The following CCM2 variants were observed in gnomAD, a reference collection of about 807,000 sequenced individuals.
CCM2 encodes the protein cerebral cavernous malformations 2 protein.
A neutral mutation model predicts 44.9 loss-of-function variants in CCM2; 25 were observed. That is an observed-to-expected ratio of 0.56 (90% confidence interval 0.41 to 0.78). The LOEUF (loss-of-function observed/expected upper bound fraction) is 0.78, where lower values mean the gene tolerates loss of function less well. Among genes scored for constraint, CCM2 ranks in the 30% least tolerant of loss-of-function variants. CCM2 has a pLI of 0.00. For missense variants in CCM2, 481 were observed against 580.6 expected (o/e 0.83, Z 1.76); for synonymous variants, 219 against 241.1 (o/e 0.91, Z 0.85).
chr7:45,075,372 C>T lies in CCM2; in HGVS notation c.1055-405C>T, dbSNP rs905313917. ...TGAGGCCTGCCTCTGAGGACTGCAC[C>T]CTTGTTGCCGGGTGCCAGCAGGTGG... On this transcript the variant is annotated intron_variant, in intron 9 of 9. Coordinates refer to ENST00000258781, the MANE Select transcript of CCM2 (RefSeq NM_031443.4). Among the ~76,000 whole-genome samples the T allele has an allele frequency of 2.0e-5, 3 of 152,358 alleles. No individual in the cohort carries two copies. The South Asian group carries it at 6.2e-4, about 32-fold the overall frequency.
chr7:45,016,522 G>T (rs1046998152), intron 1 of CCM2, among the ~76,000 whole-genome samples: 2 of 151,382 alleles, frequency 1.3e-5, no homozygotes, highest in Admixed American at 1.3e-4. Context: ...TAGAGACGGG[G>T]TTTCATTATA....
intron 2 of CCM2, among the ~76,000 whole-genome samples, chr7:45,050,219 G>A (rs1797939737): frequency 6.6e-6 from 1 of 152,164 alleles, no homozygotes; most frequent in African/African-American, 2.4e-5. Flanking sequence ...ACAGGTTGTA[G>A]CCTGGGAGCA....
intron 2 of CCM2, among the ~76,000 whole-genome samples, chr7:45,040,866 T>C (rs1797459372): frequency 6.6e-6 from 1 of 152,206 alleles, no homozygotes; most frequent in Admixed American, 6.5e-5. Context: ...GGCACACGCC[T>C]GTAATTCCAG....
At chr7:45,027,733 A>G (rs1012808303) in intron 1 of CCM2, 1 of 1,614,174 alleles carries the variant, frequency 6.2e-7, no homozygotes, top group Non-Finnish European at 8.5e-7. Context: ...CAGAGGAGGA[A>G]CCAGAATCTC....
intron 1 of CCM2, among the ~76,000 whole-genome samples, chr7:45,017,163 A>G (rs1796301997): frequency 6.6e-6 from 1 of 152,210 alleles, no homozygotes; most frequent in Admixed American, 6.5e-5. Flanking sequence ...TGGTGTATAG[A>G]TTATTTCATC....
intron 1 of CCM2, among the ~76,000 whole-genome samples, chr7:45,019,090 G>A (rs922739118): frequency 4.6e-5 from 6 of 130,872 alleles, no homozygotes; most frequent in Admixed American, 8.0e-5. Context: ...TTGAGACAGG[G>A]TCTCACTCTG....
intron 1 of CCM2, among the ~76,000 whole-genome samples, chr7:45,003,854 A>G (rs1369229805): frequency 3.9e-5 from 6 of 152,176 alleles, no homozygotes; most frequent in Non-Finnish European, 7.3e-5. Context: ...ATATTTTTAC[A>G]TTCATCTAGT....
At chr7:45,039,202 C>T (rs763631616) in intron 2 of CCM2, among the ~76,000 whole-genome samples, 1 of 152,178 alleles carries the variant, frequency 6.6e-6, no homozygotes, top group Non-Finnish European at 1.5e-5. Flanking sequence ...GAAGATGGGG[C>T]TTTGGACGTG....
chr7:45,071,911 G>A (rs1397945532), intron 6 of CCM2: 1 of 455,830 alleles, frequency 2.2e-6, no homozygotes, highest in Admixed American at 2.4e-5. Flanking sequence ...TTTGAAATTG[G>A]TAACATATTC....
At chr7:45,011,748 C>A (rs1194463140) in intron 1 of CCM2, among the ~76,000 whole-genome samples, 1 of 152,100 alleles carries the variant, frequency 6.6e-6, no homozygotes, top group Non-Finnish European at 1.5e-5. Flanking sequence ...GGTGAGGTTT[C>A]AATATGTTGG....
chr7:45,000,676 C>T (rs1247434958), intron 1 of CCM2, among the ~76,000 whole-genome samples: 1 of 152,232 alleles, frequency 6.6e-6, no homozygotes, highest in Non-Finnish European at 1.5e-5. Context: ...AGAAAGCTGT[C>T]CAGGGCTGGA....
chr7:45,033,662 G>C (rs1002579134), intron 1 of CCM2, among the ~76,000 whole-genome samples: 1 of 152,234 alleles, frequency 6.6e-6, no homozygotes, highest in Admixed American at 6.5e-5. Flanking sequence ...ATCCATGTCT[G>C]TGGAGATGCA....
At chr7:45,003,733 A>G (rs1249980268) in intron 1 of CCM2, among the ~76,000 whole-genome samples, 1 of 152,088 alleles carries the variant, frequency 6.6e-6, no homozygotes, top group Non-Finnish European at 1.5e-5. Flanking sequence ...ATCTCCAAAA[A>G]AAAAAAAAAA....
chr7:45,072,398 C>T, intron 6 of CCM2: 1 of 477,298 alleles, frequency 2.1e-6, no homozygotes, highest in South Asian at 2.1e-5. Context: ...AGACAAAGCC[C>T]CAGTAACCCT....
chr7:45,034,002 C>A (rs1362070113), intron 1 of CCM2, among the ~76,000 whole-genome samples: 1 of 152,184 alleles, frequency 6.6e-6, no homozygotes, highest in African/African-American at 2.4e-5. Flanking sequence ...TCTCACCATT[C>A]TCCCATGAGA....
At chr7:45,037,216 T>C (rs1044834136) in intron 1 of CCM2, among the ~76,000 whole-genome samples, 2 of 150,278 alleles carry the variant, frequency 1.3e-5, no homozygotes, top group African/African-American at 4.9e-5. Context: ...TACGGAGTTA[T>C]TGTGAATGAA....
intron 1 of CCM2, among the ~76,000 whole-genome samples, chr7:45,003,207 C>G (rs1003675053): frequency 6.6e-6 from 1 of 152,104 alleles, no homozygotes; most frequent in Non-Finnish European, 1.5e-5. Context: ...TCCCGAGTAG[C>G]TGGGATTACA....
At chr7:45,021,226 C>T (rs1250267518) in intron 1 of CCM2, among the ~76,000 whole-genome samples, 3 of 152,020 alleles carry the variant, frequency 2.0e-5, no homozygotes. Flanking sequence ...CACTGCACTG[C>T]AGCCTGGGTA....
chr7:45,067,124 T>G (rs1335435748), intron 4 of CCM2, among the ~76,000 whole-genome samples: 1 of 151,844 alleles, frequency 6.6e-6, no homozygotes, highest in Non-Finnish European at 1.5e-5. Context: ...ATGATCTTGA[T>G]CTCCTGACCT....
Sources: gnomAD v4.1 joint callset for allele counts (sites outside exome capture counted in the v4.1 genomes callset) on GRCh38, gnomAD v4.1.1 for gene constraint, MANE v1.5 for transcripts, NCBI Gene and HGNC (gene_info 2026-07-23, HGNC 2026-07-21) for gene names.